Variants in ANKFY1 observed in about 807,000 individuals in gnomAD.
The protein encoded by ANKFY1 is ankyrin repeat and FYVE domain-containing protein 1.
In ANKFY1, 47 loss-of-function variants were observed where a neutral mutation model predicts 128.3. The observed-to-expected ratio is 0.37, with a 90% CI of 0.29 to 0.47. The LOEUF (loss-of-function observed/expected upper bound fraction) is 0.47. ANKFY1 is among the 20% of genes least tolerant of loss of function. The probability of loss-of-function intolerance (pLI) is 1.00; values close to 1 mark genes in which losing one functional copy is unlikely to be tolerated. For synonymous variants in ANKFY1, 553 were observed against 601.6 expected, an observed-to-expected ratio of 0.92 and a Z score of 1.18; for missense variants, 1,222 against 1,510.6, an observed-to-expected ratio of 0.81 and a Z score of 3.17.
chr17:4,167,804 A>G lies in ANKFY1; in HGVS notation c.3485T>C (p.Val1162Ala). Residue 1162 changes from valine to alanine, a missense_variant, in exon 25 of 25, where the codon GTA (valine) becomes GCA (alanine). Physicochemically the swap from Val to Ala is moderately conservative, Grantham distance 64. Transcript: ENST00000341657. This position sits in a 1 kb window ranked among gnomAD's most constrained non-coding sequence, Gnocchi z 4.1. ...CTAAGAAACCCCACCCAGAGTCAGT[A>G]CATCAAAACAAATGTTGCAAACCCG... is the stretch of plus-strand genomic sequence containing the variant. Reference protein sequence around the residue: ...PVRVCNICFDVLTLGGVS With the variant: ...PVRVCNICFDALTLGGVS 7.4e-6 allele frequency: 12 copies of G among 1,613,890 alleles called. No homozygotes were observed. The highest frequency in any genetic ancestry group is 1.0e-5 in the Non-Finnish European group (12 of 1,179,842).
chr17:4,225,449 G>T (rs1055560472), intron 3 of ANKFY1, among the ~76,000 whole-genome samples: 3 of 152,024 alleles, frequency 2.0e-5, no homozygotes, highest in Non-Finnish European at 2.9e-5. Context: ...TCAATTTAAG[G>T]ATGTATCCTT....
chr17:4,223,730 A>T (rs2060368814), intron 3 of ANKFY1: 1 of 1,586,662 alleles, frequency 6.3e-7, no homozygotes, highest in Non-Finnish European at 8.7e-7. Context: ...ATTTGCTGTG[A>T]TGGCCTGTTG....
At chr17:4,242,661 AG>A (rs1477895667) in intron 1 of ANKFY1, among the ~76,000 whole-genome samples, 1 of 152,226 alleles carries the variant, frequency 6.6e-6, no homozygotes, top group East Asian at 1.9e-4. Context: ...GGGAGGCCAA[AG>A]CAGGGGGAAT....
In ANKFY1 at chr17:4,181,321, G is replaced by A. The variant is rs746522810; in HGVS notation, c.2173C>T (p.Leu725Phe). 5 of 1,614,210 alleles carry A rather than the reference G, an allele frequency of 3.1e-6. No individual in the cohort carries two copies. The South Asian group carries it at 5.5e-5, about 18-fold the overall frequency. ...TCWGPGPGGC[L>F]QTLLHRAIDE... The stretch of plus-strand genomic sequence containing the variant: ...ATGGCTCTGTGCAGGAGCGTCTGAA[G>A]GCACCCACCAGGTCCCGGACCCCAG... The change falls in exon 16 of 25, where the codon CTT becomes TTT. Residue 725 changes from leucine to phenylalanine, a missense_variant. Coordinates refer to ENST00000341657, the MANE Select transcript of ANKFY1 (RefSeq NM_001330063.2). This position sits in a 1 kb window ranked among gnomAD's most constrained non-coding sequence, Gnocchi z 4.9.
At position 4,165,435 on chromosome 17, in the gene ANKFY1, G is replaced by A. The variant is rs2059194405; in HGVS notation, c.*2344C>T. 6.6e-6 allele frequency: 1 copy of A among 152,234 alleles called. No homozygotes were observed. Among genetic ancestry groups the A allele is most frequent in the Non-Finnish European group, 1.5e-5 (1 of 68,050 alleles). The allele number at this position is 152,234 out of a possible 1,614,324, so 9.4% of individuals were successfully genotyped here. The stretch of plus-strand genomic sequence containing the variant: ...GGTTTGTACGCAAGTGTTGACAGCA[G>A]GGAGAGCACGGGAAGGGCTGGAAGC... On this transcript the variant is annotated 3_prime_UTR_variant, in exon 25 of 25. Coordinates refer to ENST00000341657, the MANE Select transcript of ANKFY1 (RefSeq NM_001330063.2).
Position 4,197,574 on chromosome 17 carries a change from T to G in ANKFY1, c.902A>C (p.Asp301Ala). 6.2e-7 allele frequency: 1 copy of G among 1,613,938 alleles called. No homozygotes were observed. Among genetic ancestry groups the G allele is most frequent in the Non-Finnish European group, 8.5e-7 (1 of 1,179,936 alleles). The change falls in exon 8 of 25, where the codon GAT becomes GCT. Residue 301 changes from aspartate (D) to alanine (A), a missense_variant. By Grantham distance (126) the Asp-to-Ala change is moderately radical (BLOSUM62 -2). Transcript: ENST00000341657. Reference sequence around the variant, plus strand: ...AATGAGGAAAGTGGCAGCAAAGAGATCTCCTTGAAAAGAAATAATAGAAGA... The same window carrying G: ...AATGAGGAAAGTGGCAGCAAAGAGAGCTCCTTGAAAAGAAATAATAGAAGA... ...SLLHKGIQRG[D>A]LFAATFLIKN...
chr17:4,171,419 C>T (rs1269589030), intron 22 of ANKFY1, among the ~76,000 whole-genome samples: 1 of 152,230 alleles, frequency 6.6e-6, no homozygotes. Context: ...TTACAGCTAA[C>T]TGTCGCTCCC....
intron 10 of ANKFY1, among the ~76,000 whole-genome samples, chr17:4,194,238 G>T (rs937311834): frequency 1.3e-5 from 2 of 150,434 alleles, no homozygotes; most frequent in African/African-American, 4.9e-5. Context: ...CTGAGTAGCT[G>T]GGATGACAGG....
At chr17:4,175,567 G>A (rs1022505948) in intron 19 of ANKFY1, among the ~76,000 whole-genome samples, 5 of 152,182 alleles carry the variant, frequency 3.3e-5, no homozygotes, top group African/African-American at 1.2e-4. Flanking sequence ...TCCTCCGTGT[G>A]TACAGGCACT....
At chr17:4,182,998 T>G (rs1436779724) in intron 14 of ANKFY1, among the ~76,000 whole-genome samples, 1 of 151,934 alleles carries the variant, frequency 6.6e-6, no homozygotes, top group African/African-American at 2.4e-5. Flanking sequence ...CCCAGCTACT[T>G]GGGAGGCTGA....
chr17:4,258,067 C>G (rs1325029704), intron 1 of ANKFY1, among the ~76,000 whole-genome samples: 3 of 151,988 alleles, frequency 2.0e-5, no homozygotes, highest in African/African-American at 7.3e-5. Flanking sequence ...AAATAATTCA[C>G]AAGGAGAAAG....
Position 4,204,342 on chromosome 17 carries a change from T to C in ANKFY1, c.898+1979A>G, listed in dbSNP as rs75979769. On this transcript the variant is annotated intron_variant, in intron 7 of 24. Coordinates refer to ENST00000341657, the MANE Select transcript of ANKFY1 (RefSeq NM_001330063.2). ...TAAAGCAAAAGTAATTCCCACTTTA[T>C]GGATAAGGAAGACGTAGAATGTGAC... Among the ~76,000 whole-genome samples, 18 of 152,316 alleles carry C rather than the reference T, an allele frequency of 1.2e-4. No homozygotes were observed. In the East Asian group the frequency reaches 3.1e-3, roughly 26 times the overall value.
chr17:4,207,039 G>C (rs2060037817), intron 6 of ANKFY1, among the ~76,000 whole-genome samples: 1 of 152,056 alleles, frequency 6.6e-6, no homozygotes, highest in Admixed American at 6.6e-5. Context: ...CATGGCAAAA[G>C]GCACTTTGAG....
At chr17:4,223,966 A>C in intron 3 of ANKFY1, 6 of 540,460 alleles carry the variant, frequency 1.1e-5, no homozygotes, top group Middle Eastern at 9.4e-4. Context: ...TGAACTTTTT[A>C]AGACAGACTT....
Position 4,170,853 on chromosome 17 carries a change from G to A in ANKFY1, c.3148C>T (p.Leu1050=), listed in dbSNP as rs1459530659. 1.2e-6 allele frequency: 2 copies of A among 1,614,096 alleles called. No individual in the cohort carries two copies. Among genetic ancestry groups the A allele is most frequent in the Non-Finnish European group, 1.7e-6 (2 of 1,180,042 alleles). Residue 1050 remains leucine, a synonymous_variant, in exon 23 of 25, where the codon CTG becomes TTG. Transcript: ENST00000341657. The stretch of plus-strand genomic sequence containing the variant: ...TTGGCGTTCCCTTTCATGTATGCCA[G>A]GAGCAGCACTGGAAAACAAAAGCAC... ...PDADGSTVLL[L]AYMKGNANLC...
intron 24 of ANKFY1, among the ~76,000 whole-genome samples, chr17:4,168,609 A>T (rs1268145617): frequency 6.6e-6 from 1 of 152,056 alleles, no homozygotes; most frequent in Non-Finnish European, 1.5e-5. Context: ...CTGGGATTAC[A>T]GGTGCCCACC....
At chr17:4,173,505 C>G in intron 20 of ANKFY1, 61 bp from the exon 21 acceptor site, 1 of 1,469,516 alleles carries the variant, frequency 6.8e-7, no homozygotes, top group Non-Finnish European at 9.5e-7. Flanking sequence ...ACCTCCACTC[C>G]TCCTCACCCT....
chr17:4,174,801 C>T (rs769908249), intron 19 of ANKFY1, among the ~76,000 whole-genome samples: 2 of 152,062 alleles, frequency 1.3e-5, no homozygotes, highest in Non-Finnish European at 2.9e-5. Context: ...TAGCTCACTG[C>T]AGCCTTGAAC....
intron 1 of ANKFY1, among the ~76,000 whole-genome samples, chr17:4,245,756 A>AC (rs1567975484): frequency 2.8e-5 from 4 of 145,364 alleles, no homozygotes; most frequent in African/African-American, 1.0e-4. Context: ...AAAAAAAAAA[A>AC]AAAAACAACC....
Sources: allele counts gnomAD v4.1 joint callset (sites outside exome capture counted in the v4.1 genomes callset), GRCh38; gene constraint gnomAD v4.1.1; non-coding constraint Gnocchi (gnomAD v3.1); transcripts MANE v1.5; gene names NCBI Gene and HGNC (gene_info 2026-07-23, HGNC 2026-07-21).